The following LIPI variants were observed in gnomAD, a reference collection of about 807,000 sequenced individuals.
The protein encoded by LIPI is lipase I, also known as lipase member I.
LIPI carries 59 observed loss-of-function variants against 50.6 expected under a neutral mutation model. The ratio of observed to expected loss-of-function variants is 1.16; its 90% CI spans 0.94 to 1.45. The LOEUF is 1.45. LIPI is among the 40% of genes most tolerant of loss of function. The probability of loss-of-function intolerance (pLI) is 0.00; values close to 1 mark genes in which losing one functional copy is unlikely to be tolerated. For missense variants in LIPI, 586 were observed against 536.3 expected (o/e 1.09, Z -0.92); for synonymous variants, 203 against 178.2 (o/e 1.14, Z -1.11).
chr21:14,157,510 A>G (rs1175932685), intron 7 of LIPI, among the ~76,000 whole-genome samples: 2 of 151,926 alleles, frequency 1.3e-5, no homozygotes, highest in Non-Finnish European at 2.9e-5. Context: ...GAGATCCACC[A>G]GGCTTTGGAG....
chr21:14,123,687 G>A (rs1568834722), intron 9 of LIPI, among the ~76,000 whole-genome samples: 2 of 152,176 alleles, frequency 1.3e-5, no homozygotes, highest in African/African-American at 2.4e-5. Flanking sequence ...GGCCAGCTAA[G>A]TGGGCCCAAG....
At chr21:14,164,114 A>T (rs899111584) in intron 6 of LIPI, among the ~76,000 whole-genome samples, 12 of 151,452 alleles carry the variant, frequency 7.9e-5, no homozygotes, top group African/African-American at 2.9e-4. Flanking sequence ...TTACTTATAA[A>T]ATAAAGTTTA....
At position 14,181,837 on chromosome 21, in the gene LIPI, C is replaced by A; in HGVS notation, c.564G>T (p.Arg188Ser). The change falls in exon 4 of 10, where the codon AGG becomes AGT. Residue 188 changes from arginine (R) to serine (S), a missense_variant. Coordinates refer to ENST00000681601, the MANE Select transcript of LIPI (RefSeq NM_001302998.2). ...TGCTATATGGTGGTTTTCTGGAGAA[C>A]CTTGGCCCAGCAGGGTCAAGACCTG... ...RITGLDPAGP[R>S]FSRKPPYSRL... The A allele has an allele frequency of 6.2e-7, 1 of 1,611,612 alleles. No homozygotes were observed. Among genetic ancestry groups the A allele is most frequent in the Non-Finnish European group, 8.5e-7 (1 of 1,178,200 alleles).
At chr21:14,169,305 G>T (rs1368798471) in intron 4 of LIPI, among the ~76,000 whole-genome samples, 1 of 151,952 alleles carries the variant, frequency 6.6e-6, no homozygotes, top group Admixed American at 6.6e-5. Flanking sequence ...ACAGATCAAC[G>T]AGACAGAAAG....
intron 9 of LIPI, among the ~76,000 whole-genome samples, chr21:14,118,739 CTGGTAG>C (rs2123327130): frequency 6.6e-6 from 1 of 152,312 alleles, no homozygotes; most frequent in East Asian, 1.9e-4. Context: ...TCCCCCGGGG[CTGGTAG>C]TGAATCAAGC....
chr21:14,176,943 T>C (rs2019119000), intron 4 of LIPI, among the ~76,000 whole-genome samples: 1 of 152,106 alleles, frequency 6.6e-6, no homozygotes, highest in Admixed American at 6.5e-5. Context: ...TTTTTAAGGC[T>C]CAGTATATGC....
At chr21:14,198,649 C>G (rs373694010) in intron 1 of LIPI, among the ~76,000 whole-genome samples, 1 of 152,086 alleles carries the variant, frequency 6.6e-6, no homozygotes, top group African/African-American at 2.4e-5. Context: ...CAAAGAGACT[C>G]AGAATCCCAC....
At chr21:14,171,498 G>C (rs2018905615) in intron 4 of LIPI, among the ~76,000 whole-genome samples, 2 of 150,338 alleles carry the variant, frequency 1.3e-5, no homozygotes, top group African/African-American at 4.9e-5. Flanking sequence ...AAACAGCATG[G>C]TACTGGTACC....
intron 8 of LIPI, among the ~76,000 whole-genome samples, chr21:14,147,579 A>C (rs1410416910): frequency 1.3e-5 from 2 of 152,198 alleles, no homozygotes; most frequent in African/African-American, 2.4e-5. Context: ...AAGAGCAGAC[A>C]TTTAATTTGT....
intron 1 of LIPI, among the ~76,000 whole-genome samples, chr21:14,204,702 A>G (rs1356640914): frequency 6.6e-5 from 10 of 152,042 alleles, no homozygotes; most frequent in Non-Finnish European, 1.3e-4. Context: ...TATGGCAATT[A>G]AAAGCAGTCA....
chr21:14,120,680 C>T (rs2123334998), intron 9 of LIPI, among the ~76,000 whole-genome samples: 1 of 152,304 alleles, frequency 6.6e-6, no homozygotes, highest in East Asian at 1.9e-4. Flanking sequence ...AGACTCCTAA[C>T]TACTCATCCA....
intron 4 of LIPI, among the ~76,000 whole-genome samples, chr21:14,169,947 C>T (rs1449205131): frequency 1.3e-5 from 2 of 151,726 alleles, no homozygotes; most frequent in Admixed American, 1.3e-4. Flanking sequence ...AAAGGATCAA[C>T]AAAATTGATA....
intron 1 of LIPI, among the ~76,000 whole-genome samples, chr21:14,195,196 G>GA: frequency 6.6e-6 from 1 of 152,096 alleles, no homozygotes; most frequent in East Asian, 1.9e-4. Context: ...CCAGGCAGAA[G>GA]AAAAACTCTG....
intron 4 of LIPI, among the ~76,000 whole-genome samples, chr21:14,169,114 G>A (rs1268405567): frequency 1.3e-5 from 2 of 152,148 alleles, no homozygotes; most frequent in Admixed American, 6.5e-5. Flanking sequence ...AAGAGACAAA[G>A]AAGGCCATTA....
chr21:14,119,988 G>C (rs1290423836), intron 9 of LIPI, among the ~76,000 whole-genome samples: 1 of 152,122 alleles, frequency 6.6e-6, no homozygotes, highest in Non-Finnish European at 1.5e-5. Context: ...GATATCAAGG[G>C]CTCCTATGTG....
chr21:14,122,149 C>A (rs1490796188), intron 9 of LIPI, among the ~76,000 whole-genome samples: 1 of 152,120 alleles, frequency 6.6e-6, no homozygotes, highest in Non-Finnish European at 1.5e-5. Context: ...TGCTAACAGG[C>A]ACGGGAGGAA....
chr21:14,167,188 T>C (rs948768366), intron 4 of LIPI, among the ~76,000 whole-genome samples: 3 of 152,132 alleles, frequency 2.0e-5, no homozygotes, highest in African/African-American at 7.2e-5. Context: ...CCAGGCTTGC[T>C]TAGGTAAACA....
chr21:14,153,435 T>A (rs912363887), intron 7 of LIPI, among the ~76,000 whole-genome samples: 5 of 152,174 alleles, frequency 3.3e-5, no homozygotes, highest in Non-Finnish European at 5.9e-5. Context: ...CTTGCCCATA[T>A]AAATGGGCAT....
chr21:14,189,101 TA>T lies in LIPI; in HGVS notation c.364del (p.Tyr122IlefsTer13). On this transcript the variant is annotated frameshift_variant, in exon 2 of 10. Transcript: ENST00000681601. LOFTEE classifies it high-confidence loss of function. ...TCTGGTGTTTTTAACTGCTCTATTA[TA>T]AATAAAAGTTGTAGCACCCCGGCTC... ...DWSRGATTFIYNRAVKNTRKV... is the reference protein window; with the variant it reads ...DWSRGATTFIXNRAVKNTRKV... 1.2e-6 allele frequency: 2 copies of T among 1,612,758 alleles called. No individual in the cohort carries two copies. Among genetic ancestry groups the T allele is most frequent in the Non-Finnish European group, 1.7e-6 (2 of 1,179,910 alleles).
Sources: allele counts gnomAD v4.1 joint callset (sites outside exome capture counted in the v4.1 genomes callset), GRCh38; gene constraint gnomAD v4.1.1; transcripts MANE v1.5; gene names NCBI Gene and HGNC (gene_info 2026-07-23, HGNC 2026-07-21).